Variants in CDH12 observed in about 807,000 individuals in gnomAD.
The protein encoded by CDH12 is cadherin-12.
Under a neutral mutation model 74.1 loss-of-function variants are expected in CDH12, and 41 were observed. That is an observed-to-expected ratio of 0.55 (90% CI 0.43 to 0.72). The LOEUF (loss-of-function observed/expected upper bound fraction) is 0.72. Among genes scored for constraint, CDH12 ranks in the 30% least tolerant of loss-of-function variants. The pLI is 0.00. For missense variants in CDH12, 945 were observed against 977.2 expected, an observed-to-expected ratio of 0.97 and a Z score of 0.44; for synonymous variants, 399 against 355.0, an observed-to-expected ratio of 1.12 and a Z score of -1.39.
intron 1 of CDH12, among the ~76,000 whole-genome samples, chr5:22,682,352 A>G: frequency 6.6e-6 from 1 of 152,226 alleles, no homozygotes; most frequent in East Asian, 1.9e-4. Context: ...AACTTTTAAA[A>G]AGCATTATAA....
intron 1 of CDH12, among the ~76,000 whole-genome samples, chr5:22,605,927 C>T (rs1737091977): frequency 6.6e-6 from 1 of 152,218 alleles, no homozygotes; most frequent in Admixed American, 6.5e-5. Flanking sequence ...AACCAGTAGG[C>T]TGACCTGCAA....
intron 1 of CDH12, among the ~76,000 whole-genome samples, chr5:22,709,375 G>C (rs1053168635): frequency 1.3e-5 from 2 of 152,046 alleles, no homozygotes; most frequent in African/African-American, 2.4e-5. Context: ...AGCAAAAATT[G>C]GTATGATTAC....
At chr5:22,118,261 T>C (rs929377584) in intron 4 of CDH12, among the ~76,000 whole-genome samples, 1 of 152,176 alleles carries the variant, frequency 6.6e-6, no homozygotes, top group Admixed American at 6.5e-5. Context: ...AGCTGCACAA[T>C]CTGGAAGCCA....
chr5:22,509,419 T>A (rs1246287619), intron 1 of CDH12, among the ~76,000 whole-genome samples: 5 of 152,192 alleles, frequency 3.3e-5, no homozygotes, highest in Admixed American at 6.5e-5. Flanking sequence ...AAAGTGTGAT[T>A]ACTGGTACAG....
chr5:22,710,799 G>T (rs181261520), intron 1 of CDH12, among the ~76,000 whole-genome samples: 4 of 152,204 alleles, frequency 2.6e-5, no homozygotes, highest in African/African-American at 9.6e-5. Flanking sequence ...CAGAAGAGCT[G>T]TGCCTATCTA....
At chr5:21,888,605 G>T (rs896147081) in intron 6 of CDH12, among the ~76,000 whole-genome samples, 17 of 149,884 alleles carry the variant, frequency 1.1e-4, no homozygotes, top group African/African-American at 4.2e-4. Context: ...ATAAAAAAAA[G>T]AAGTAACATA....
At chr5:21,860,027 A>C (rs532104881) in intron 6 of CDH12, among the ~76,000 whole-genome samples, 1 of 151,876 alleles carries the variant, frequency 6.6e-6, no homozygotes, top group Non-Finnish European at 1.5e-5. Context: ...AAAAAAAAAC[A>C]TGACCTGCTG....
chr5:22,733,637 C>T (rs1744544952), intron 1 of CDH12, among the ~76,000 whole-genome samples: 1 of 151,744 alleles, frequency 6.6e-6, no homozygotes, highest in Admixed American at 6.6e-5. Flanking sequence ...CTCTTCTTCC[C>T]TCATAAGCCC....
chr5:22,188,135 TG>T (rs1750072426), intron 4 of CDH12, among the ~76,000 whole-genome samples: 1 of 151,250 alleles, frequency 6.6e-6, no homozygotes, highest in Admixed American at 6.6e-5. Flanking sequence ...GTTTGGGTTG[TG>T]GGGGTGGATC....
chr5:22,229,816 A>T (rs993651258), intron 3 of CDH12, among the ~76,000 whole-genome samples: 13 of 151,990 alleles, frequency 8.6e-5, no homozygotes, highest in Non-Finnish European at 1.9e-4. Context: ...TGAGTCAATA[A>T]TCCCAGAGTC....
chr5:21,877,246 A>T (rs1751984814), intron 6 of CDH12, among the ~76,000 whole-genome samples: 1 of 151,464 alleles, frequency 6.6e-6, no homozygotes, highest in African/African-American at 2.4e-5. Flanking sequence ...GTTCTTTTTC[A>T]TTCAGGTAAA....
chr5:22,811,045 A>ATACATACACATATATACG (rs1387581201), intron 1 of CDH12, among the ~76,000 whole-genome samples: 7 of 146,612 alleles, frequency 4.8e-5, no homozygotes, highest in African/African-American at 1.9e-4. Context: ...AAATATATAC[A>ATACATACACATATATACG]TACATACACA....
At chr5:22,432,777 T>C (rs1744227806) in intron 2 of CDH12, among the ~76,000 whole-genome samples, 1 of 152,170 alleles carries the variant, frequency 6.6e-6, no homozygotes, top group Non-Finnish European at 1.5e-5. Context: ...CTTTTTATAA[T>C]TTAGTATCAT....
chr5:22,257,699 C>T (rs749969566), intron 3 of CDH12, among the ~76,000 whole-genome samples: 12 of 151,972 alleles, frequency 7.9e-5, no homozygotes, highest in Non-Finnish European at 1.6e-4. Flanking sequence ...TGGGGTTTCA[C>T]TATGTTAGCC....
intron 10 of CDH12, among the ~76,000 whole-genome samples, chr5:21,796,097 TAGAA>T (rs1351351700): frequency 1.3e-5 from 2 of 152,024 alleles, no homozygotes; most frequent in African/African-American, 4.8e-5. Context: ...GGGTTTTTGT[TAGAA>T]AGATCATTAA....
intron 2 of CDH12, among the ~76,000 whole-genome samples, chr5:22,407,572 A>T (rs1330690188): frequency 6.6e-6 from 1 of 151,948 alleles, no homozygotes; most frequent in Non-Finnish European, 1.5e-5. Context: ...CTGCCTAATT[A>T]AATCCTTTTT....
At chr5:22,248,998 C>T (rs764646033) in intron 3 of CDH12, among the ~76,000 whole-genome samples, 6 of 151,928 alleles carry the variant, frequency 3.9e-5, no homozygotes, top group Admixed American at 1.3e-4. Flanking sequence ...TACCTTTTAC[C>T]GTTCTGTAAA....
chr5:22,377,240 C>G (rs1418511302), intron 3 of CDH12, among the ~76,000 whole-genome samples: 1 of 152,170 alleles, frequency 6.6e-6, no homozygotes, highest in East Asian at 1.9e-4. Context: ...GCAAAATAAA[C>G]TGGCTTCTCT....
chr5:22,809,288 G>A (rs953159543), intron 1 of CDH12, among the ~76,000 whole-genome samples: 24 of 151,816 alleles, frequency 1.6e-4, no homozygotes, highest in Non-Finnish European at 2.9e-4. Context: ...TTTCTATCAC[G>A]AGTTATGTGG....
Sources: allele counts gnomAD v4.1 joint callset (sites outside exome capture counted in the v4.1 genomes callset), GRCh38; gene constraint gnomAD v4.1.1; transcripts MANE v1.5; gene names NCBI Gene and HGNC (gene_info 2026-07-23, HGNC 2026-07-21).